The following CLIP1 variants were observed in gnomAD, a reference collection of about 807,000 sequenced individuals.
CLIP1 encodes CAP-Gly domain-containing linker protein 1.
Under a neutral mutation model 161.6 loss-of-function variants are expected in CLIP1, and 66 were observed. The ratio of observed to expected loss-of-function variants is 0.41; its 90% CI spans 0.33 to 0.50. The LOEUF is 0.50. Among genes scored for constraint, CLIP1 ranks in the 20% least tolerant of loss-of-function variants. The pLI is 0.27. For missense variants in CLIP1, 1,376 were observed against 1,702.0 expected (o/e 0.81, Z 3.37); for synonymous variants, 598 against 626.2 (o/e 0.96, Z 0.67).
chr12:122,349,121 A>G (rs770772566), intron 9 of CLIP1, among the ~76,000 whole-genome samples: 22 of 152,284 alleles, frequency 1.4e-4, no homozygotes, highest in South Asian at 8.3e-4. Context: ...ACACTGTTCA[A>G]TTTCCCTGCT....
chr12:122,306,763 T>A (rs182279442), intron 20 of CLIP1, among the ~76,000 whole-genome samples: 1 of 152,036 alleles, frequency 6.6e-6, no homozygotes, highest in Non-Finnish European at 1.5e-5. Flanking sequence ...AAATAAATAT[T>A]TGAGGCAGAA....
At chr12:122,312,321 T>C (rs1416351696) in intron 19 of CLIP1, among the ~76,000 whole-genome samples, 1 of 152,234 alleles carries the variant, frequency 6.6e-6, no homozygotes, top group East Asian at 1.9e-4. Context: ...TTCATTGTTA[T>C]CTACAACTGA....
chr12:122,365,677 T>TAAA (rs34314261), intron 3 of CLIP1: 230 of 582,332 alleles, frequency 3.9e-4, no homozygotes, highest in African/African-American at 1.1e-3. Context: ...CTGGGCTATT[T>TAAA]AAAAAAAAAA....
At chr12:122,356,741 GATTCTCCTGCC>G (rs2136503249) in intron 5 of CLIP1, among the ~76,000 whole-genome samples, 1 of 29,388 alleles carries the variant, frequency 3.4e-5, no homozygotes, top group East Asian at 5.3e-4. Context: ...CTCCCTGCCT[GATTCTCCTGCC>G]TCAGCCTGCC....
intron 1 of CLIP1, among the ~76,000 whole-genome samples, chr12:122,391,328 G>A (rs1250307376): frequency 6.6e-6 from 1 of 152,026 alleles, no homozygotes; most frequent in East Asian, 1.9e-4. Context: ...GCTCACGCCT[G>A]TAATCCCAGC....
intron 21 of CLIP1, among the ~76,000 whole-genome samples, chr12:122,286,721 G>A (rs984995624): frequency 2.7e-5 from 4 of 150,046 alleles, no homozygotes; most frequent in South Asian, 4.2e-4. Context: ...TTTTAAAGCC[G>A]GGTGCGGTGG....
chr12:122,396,146 T>A (rs1477540588), intron 1 of CLIP1: 1 of 151,748 alleles, frequency 6.6e-6, no homozygotes. Context: ...AGAATCCTGA[T>A]AACTGAGTAG....
At chr12:122,353,404 A>C (rs1402449305) in intron 7 of CLIP1, among the ~76,000 whole-genome samples, 2 of 152,174 alleles carry the variant, frequency 1.3e-5, no homozygotes, top group Non-Finnish European at 2.9e-5. Flanking sequence ...AGGTGGACAG[A>C]CTGCTTGAGT....
At chr12:122,417,871 A>G (rs1956809104) in intron 1 of CLIP1, among the ~76,000 whole-genome samples, 1 of 152,074 alleles carries the variant, frequency 6.6e-6, no homozygotes, top group African/African-American at 2.4e-5. Context: ...TACAGCCTAG[A>G]AAGTCTTCAA....
In CLIP1 at chr12:122,355,083, T is replaced by C; in HGVS notation, c.1203+32A>G. ...GGCTCCTCAGTGGCTTTAGAAACCA[T>C]CACCATCTCCGCAACAAGGTCCAGA... is the stretch of plus-strand genomic sequence containing the variant. On this transcript the variant is annotated intron_variant, in intron 6 of 25. Coordinates refer to ENST00000620786, the MANE Select transcript of CLIP1 (RefSeq NM_001247997.2). The surrounding 1 kb of genome is among the most constrained non-coding windows in gnomAD (Gnocchi z 4.1). 1.9e-6 allele frequency: 3 copies of C among 1,603,732 alleles called. No individual in the cohort carries two copies. Among genetic ancestry groups the C allele is most frequent in the Non-Finnish European group, 2.6e-6 (3 of 1,172,270 alleles).
At chr12:122,317,824 A>G (rs1338545659) in intron 18 of CLIP1, among the ~76,000 whole-genome samples, 2 of 152,160 alleles carry the variant, frequency 1.3e-5, no homozygotes, top group Non-Finnish European at 2.9e-5. Flanking sequence ...AAAATATCAC[A>G]ATGGGTCCGA....
chr12:122,389,871 G>A (rs1955516965), intron 1 of CLIP1, among the ~76,000 whole-genome samples: 2 of 149,820 alleles, frequency 1.3e-5, no homozygotes, highest in Admixed American at 1.3e-4. Flanking sequence ...CAGTGCTGGA[G>A]GGGGGGCCCG....
intron 1 of CLIP1, among the ~76,000 whole-genome samples, chr12:122,412,476 G>A (rs372026820): frequency 8.0e-4 from 122 of 151,980 alleles, no homozygotes; most frequent in Admixed American, 2.8e-3. Flanking sequence ...CCAACATGGC[G>A]AAACCCCGTC....
chr12:122,273,248 A>G (rs1955247082), intron 25 of CLIP1, 148 bp from the exon 26 acceptor site: 1 of 638,810 alleles, frequency 1.6e-6, no homozygotes, highest in Non-Finnish European at 2.7e-6. Context: ...TCCCACATTT[A>G]AAGTATTTTT....
In CLIP1 at chr12:122,365,404, T is replaced by G; in HGVS notation, c.658-1297A>C. The stretch of plus-strand genomic sequence containing the variant: ...TGTAAACAAACAAGGGCAAGATTCT[T>G]GCCAAGAGAAATAATGTGCGTATGG... On this transcript the variant is annotated intron_variant, in intron 3 of 25. Coordinates refer to ENST00000620786, the MANE Select transcript of CLIP1 (RefSeq NM_001247997.2). 3 of 816,182 alleles carry G rather than the reference T, an allele frequency of 3.7e-6. No homozygotes were observed. In the Admixed American group the frequency reaches 5.1e-5, roughly 14 times the overall value. The allele number at this position is 816,182 out of a possible 1,614,324, so 50.6% of individuals were successfully genotyped here.
intron 1 of CLIP1, among the ~76,000 whole-genome samples, chr12:122,396,408 G>C (rs941676075): frequency 1.3e-5 from 2 of 152,160 alleles, no homozygotes; most frequent in African/African-American, 2.4e-5. Context: ...AGCCAGCACA[G>C]AGTAAGAATT....
At chr12:122,297,146 A>G (rs1264923132) in intron 20 of CLIP1, among the ~76,000 whole-genome samples, 3 of 152,352 alleles carry the variant, frequency 2.0e-5, no homozygotes, top group Admixed American at 6.5e-5. Context: ...TTCGGGGAAC[A>G]CTGGACTGGA....
chr12:122,273,392 G>T (rs1955253442), intron 25 of CLIP1, among the ~76,000 whole-genome samples: 1 of 152,100 alleles, frequency 6.6e-6, no homozygotes, highest in Non-Finnish European at 1.5e-5. Context: ...TGGAATTACA[G>T]GTGCGTGCCA....
intron 5 of CLIP1, among the ~76,000 whole-genome samples, chr12:122,358,124 G>C (rs1305615876): frequency 6.6e-6 from 1 of 152,086 alleles, no homozygotes; most frequent in Admixed American, 6.5e-5. Flanking sequence ...GGATCCTGTT[G>C]ATCTGTGACC....
Sources: gnomAD v4.1 joint callset for allele counts (sites outside exome capture counted in the v4.1 genomes callset) on GRCh38, gnomAD v4.1.1 for gene constraint, Gnocchi (gnomAD v3.1) non-coding constraint, MANE v1.5 for transcripts, NCBI Gene and HGNC (gene_info 2026-07-23, HGNC 2026-07-21) for gene names.